Variants in BAG3 observed in about 807,000 individuals in gnomAD.
BAG3 encodes BAG cochaperone 3.
A neutral mutation model predicts 40.5 loss-of-function variants in BAG3; 14 were observed. The ratio of observed to expected loss-of-function variants is 0.35; its 90% CI spans 0.23 to 0.54. The LOEUF is 0.54. Ranked by LOEUF, BAG3 falls within the 20% of genes least tolerant of loss-of-function variation. The pLI, the probability that BAG3 is intolerant of heterozygous loss-of-function variation, is 0.91. For missense variants in BAG3, 788 were observed against 758.6 expected, an observed-to-expected ratio of 1.04 and a Z score of -0.46; for synonymous variants, 302 against 307.8, an observed-to-expected ratio of 0.98 and a Z score of 0.20.
intron 2 of BAG3, among the ~76,000 whole-genome samples, chr10:119,671,392 A>G (rs1319017933): frequency 6.6e-6 from 1 of 152,250 alleles, no homozygotes; most frequent in African/African-American, 2.4e-5. Flanking sequence ...ACATCTTCAC[A>G]AATTTAGGCT....
In BAG3 at chr10:119,676,868, T is replaced by C. The variant is rs1484749038; in HGVS notation, c.1314T>C (p.Ala438=). ...AGAAGGTACAGGGGCTGGAGCAGGC[T>C]GTAGACAACTTTGAAGGCAAGAAGA... ...ILEKVQGLEQ[A]VDNFEGKKTD... The change falls in exon 4 of 4, where the codon GCT becomes GCC. Residue 438 remains alanine, a synonymous_variant. Transcript: ENST00000369085. 2 of 1,614,176 alleles carry C rather than the reference T, an allele frequency of 1.2e-6. No individual in the cohort carries two copies. The highest frequency in any genetic ancestry group is 1.6e-4 in the Middle Eastern group (1 of 6,062).
At position 119,676,594 on chromosome 10, in the gene BAG3, A is replaced by C; in HGVS notation, c.1040A>C (p.Asp347Ala). 6.2e-7 allele frequency: 1 copy of C among 1,614,108 alleles called. No homozygotes were observed. The highest frequency in any genetic ancestry group is 8.5e-7 in the Non-Finnish European group (1 of 1,180,028). The change falls in exon 4 of 4, where the codon GAT (aspartate) becomes GCT (alanine). Residue 347 changes from aspartate to alanine, a missense_variant. Physicochemically the swap from Asp to Ala is moderately radical, Grantham distance 126. Coordinates refer to ENST00000369085, the MANE Select transcript of BAG3 (RefSeq NM_004281.4). ...ATTCAAGTGATCCGCAAAGAGGTGG[A>C]TTCTAAACCTGTTTCCCAGAAGCCC... Reference protein sequence around the residue: ...IPIQVIRKEVDSKPVSQKPPP... With the variant: ...IPIQVIRKEVASKPVSQKPPP...
rs727502898 is a variant in BAG3, at chr10:119,669,953, C to G, written c.283C>G (p.Pro95Ala). The part of the protein sequence containing the change: ...VYPQLRPGYI[P>A]IPVLHEGAEN... Reference sequence around the variant, plus strand: ...CCCCCAGCTCCGACCAGGCTACATTCCCATTCCTGTGCTCCATGAAGGCGC... The same window carrying G: ...CCCCCAGCTCCGACCAGGCTACATTGCCATTCCTGTGCTCCATGAAGGCGC... Residue 95 changes from proline (P) to alanine (A), a missense_variant, in exon 2 of 4, where the codon CCC (proline) becomes GCC (alanine). Physicochemically the swap from Pro to Ala is conservative, Grantham distance 27. Transcript: ENST00000369085. The G allele has an allele frequency of 6.2e-7, 1 of 1,614,144 alleles. No homozygotes were observed. Among genetic ancestry groups the G allele is most frequent in the African/African-American group, 1.3e-5 (1 of 74,946 alleles).
chr10:119,672,573 C>T lies in BAG3; in HGVS notation c.826C>T (p.Arg276Trp), dbSNP rs759573189. The change falls in exon 3 of 4, where the codon CGG (arginine) becomes TGG (tryptophan). Residue 276 changes from arginine (R) to tryptophan (W), a missense_variant. Transcript: ENST00000369085. This position sits in a 1 kb window ranked among gnomAD's most constrained non-coding sequence, Gnocchi z 4.8. Reference protein sequence around the residue: ...FRSSVQGASSREGSPARSSTP... With the variant: ...FRSSVQGASSWEGSPARSSTP... ...GTCATCTGTCCAGGGTGCATCGAGC[C>T]GGGAGGGCTCACCAGCCAGGAGCAG... 2.9e-5 allele frequency: 47 copies of T among 1,613,930 alleles called. 1 individual carries two copies. The highest frequency in any genetic ancestry group is 8.8e-5 in the South Asian group (8 of 91,074).
rs143609497 is a variant in BAG3, at chr10:119,675,240, A to G, written c.910-1224A>G. 5.8e-3 allele frequency among the ~76,000 whole-genome samples: 884 copies of G among 152,236 alleles called. 9 individuals are homozygous for G. The highest frequency in any genetic ancestry group is 0.015 in the Admixed American group (234 of 15,298). On this transcript the variant is annotated intron_variant, in intron 3 of 3. Transcript: ENST00000369085. ...TGCAACTAATCATGAAGCTAAGGTG[A>G]GAGGATCACTTGAGGCCAGAAGGTT...
In BAG3 at chr10:119,651,507, C is replaced by G. The variant is rs1053609954; in HGVS notation, c.-169C>G. On this transcript the variant is annotated 5_prime_UTR_variant, in exon 1 of 4. Transcript: ENST00000369085. ...AGGAGGCTATTTCCAGACACTTCCA[C>G]CCCTCTCTGGCCACGTCACCCCCGC... 4 of 530,512 alleles carry G rather than the reference C, an allele frequency of 7.5e-6. No homozygotes were observed. The highest frequency in any genetic ancestry group is 6.1e-6 in the Non-Finnish European group (2 of 329,320). The allele number at this position is 530,512 out of a possible 1,614,324, so 32.9% of individuals were successfully genotyped here. A position where few individuals can be genotyped will look rare whatever the true frequency, so the allele number is the denominator to read the frequency against.
rs373446989 is a variant in BAG3, at chr10:119,670,155, C to T, written c.485C>T (p.Pro162Leu). 48 of 1,611,094 alleles carry T rather than the reference C, an allele frequency of 3.0e-5. No homozygotes were observed. Among genetic ancestry groups the T allele is most frequent in the Non-Finnish European group, 3.9e-5 (46 of 1,179,316 alleles). ...GQVAAAAAAQ[P>L]PASHGPERSQ... ...GTGGCAGCGGCGGCGGCAGCCCAGCCCCCAGCCTCCCACGGACCTGAGGTA... is the reference window on the plus strand; with the variant it reads ...GTGGCAGCGGCGGCGGCAGCCCAGCTCCCAGCCTCCCACGGACCTGAGGTA... The change falls in exon 2 of 4, where the codon CCC becomes CTC. Residue 162 changes from proline (P) to leucine (L), a missense_variant. Coordinates refer to ENST00000369085, the MANE Select transcript of BAG3 (RefSeq NM_004281.4).
chr10:119,661,536 G>A (rs1255487612), intron 1 of BAG3, among the ~76,000 whole-genome samples: 1 of 152,128 alleles, frequency 6.6e-6, no homozygotes, highest in Non-Finnish European at 1.5e-5. Context: ...TTTGGACACA[G>A]CTGCAAAGAG....
At chr10:119,671,140 T>C (rs559721808) in intron 2 of BAG3, among the ~76,000 whole-genome samples, 8 of 152,206 alleles carry the variant, frequency 5.3e-5, no homozygotes, top group Admixed American at 3.3e-4. Context: ...AAACCCCGTC[T>C]CTACAAAAAA....
chr10:119,655,900 G>T (rs184136898), intron 1 of BAG3, among the ~76,000 whole-genome samples: 70 of 152,194 alleles, frequency 4.6e-4, no homozygotes, highest in African/African-American at 1.4e-3. Context: ...AGCGTTTGAC[G>T]TTGGCCAGGG....
At chr10:119,657,304 G>A (rs1241390465) in intron 1 of BAG3, among the ~76,000 whole-genome samples, 3 of 152,172 alleles carry the variant, frequency 2.0e-5, no homozygotes, top group African/African-American at 4.8e-5. Flanking sequence ...TCCCTGGTCC[G>A]AAGCAGGCTG....
At chr10:119,667,905 A>G (rs1847088480) in intron 1 of BAG3, among the ~76,000 whole-genome samples, 1 of 152,260 alleles carries the variant, frequency 6.6e-6, no homozygotes, top group Non-Finnish European at 1.5e-5. Context: ...GGAGGACCTC[A>G]GTGAGTGGAC....
chr10:119,655,544 C>T (rs1025150246), intron 1 of BAG3, among the ~76,000 whole-genome samples: 1 of 152,172 alleles, frequency 6.6e-6, no homozygotes, highest in Non-Finnish European at 1.5e-5. Flanking sequence ...AAGATGAGAT[C>T]GTTTTGCTCT....
chr10:119,676,324 T>A (rs1847233618), intron 3 of BAG3, 140 bp from the exon 4 acceptor site: 1 of 833,140 alleles, frequency 1.2e-6, no homozygotes, highest in Non-Finnish European at 1.9e-6. Flanking sequence ...AGCCATTGAT[T>A]GACTTTGAAA....
chr10:119,654,298 A>G (rs1246967174), intron 1 of BAG3, among the ~76,000 whole-genome samples: 1 of 152,208 alleles, frequency 6.6e-6, no homozygotes, highest in African/African-American at 2.4e-5. Flanking sequence ...GAGCATCATC[A>G]TCTTCAAGAG....
chr10:119,669,872 G>C lies in BAG3; in HGVS notation c.202G>C (p.Gly68Arg), dbSNP rs749844576. Residue 68 changes from glycine (G) to arginine (R), a missense_variant, in exon 2 of 4, where the codon GGC (glycine) becomes CGC (arginine). Coordinates refer to ENST00000369085, the MANE Select transcript of BAG3 (RefSeq NM_004281.4). ...GPKETPSSAN[G>R]PSREGSRLPP... ...TCAGGAGACTCCATCCTCTGCCAATGGCCCTTCCCGGGAGGGCTCTAGGCT... is the reference window on the plus strand; with the variant it reads ...TCAGGAGACTCCATCCTCTGCCAATCGCCCTTCCCGGGAGGGCTCTAGGCT... The C allele has an allele frequency of 6.2e-7, 1 of 1,614,188 alleles. No homozygotes were observed. Among genetic ancestry groups the C allele is most frequent in the Non-Finnish European group, 8.5e-7 (1 of 1,180,032 alleles).
chr10:119,653,991 A>AAG (rs1846877746), intron 1 of BAG3, among the ~76,000 whole-genome samples: 1 of 152,176 alleles, frequency 6.6e-6, no homozygotes, highest in South Asian at 2.1e-4. Context: ...AACTCAAGAA[A>AAG]AGAGTTCCCT....
In BAG3 at chr10:119,672,469, A is replaced by G. The variant is rs1399643904; in HGVS notation, c.722A>G (p.Gln241Arg). 1 of 1,614,246 alleles carries G rather than the reference A, an allele frequency of 6.2e-7. No individual in the cohort carries two copies. The highest frequency in any genetic ancestry group is 1.1e-5 in the South Asian group (1 of 91,084). ...THYPAQQGEY[Q>R]THQPVYHKIQ... The stretch of plus-strand genomic sequence containing the variant: ...TACCCAGCGCAGCAGGGGGAGTACC[A>G]GACCCACCAGCCTGTGTACCACAAG... The change falls in exon 3 of 4, where the codon CAG (glutamine) becomes CGG (arginine). Residue 241 changes from glutamine to arginine, a missense_variant. Transcript: ENST00000369085. The surrounding 1 kb of genome is among the most constrained non-coding windows in gnomAD (Gnocchi z 4.8).
At position 119,676,967 on chromosome 10, in the gene BAG3, G is replaced by C; in HGVS notation, c.1413G>C (p.Glu471Asp). ...TGGCCCTGGATTCAGTGGACCCCGAGGGACGAGCCGATGTGCGTCAGGCCA... is the reference window on the plus strand; with the variant it reads ...TGGCCCTGGATTCAGTGGACCCCGACGGACGAGCCGATGTGCGTCAGGCCA... ...ELLALDSVDPEGRADVRQARR... is the reference protein window; with the variant it reads ...ELLALDSVDPDGRADVRQARR... The change falls in exon 4 of 4, where the codon GAG (glutamate) becomes GAC (aspartate). Residue 471 changes from glutamate to aspartate, a missense_variant. Coordinates refer to ENST00000369085, the MANE Select transcript of BAG3 (RefSeq NM_004281.4). The C allele has an allele frequency of 6.2e-7, 1 of 1,614,190 alleles. No homozygotes were observed. Among genetic ancestry groups the C allele is most frequent in the Middle Eastern group, 1.6e-4 (1 of 6,062 alleles).
Sources: allele counts gnomAD v4.1 joint callset (sites outside exome capture counted in the v4.1 genomes callset), GRCh38; gene constraint gnomAD v4.1.1; non-coding constraint Gnocchi (gnomAD v3.1); transcripts MANE v1.5; gene names NCBI Gene and HGNC (gene_info 2026-07-23, HGNC 2026-07-21).